LPA: variants seen among roughly 807,000 people sequenced by gnomAD.
The protein encoded by LPA is apolipoprotein(a).
A neutral mutation model predicts 197.9 loss-of-function variants in LPA; 199 were observed. That is an observed-to-expected ratio of 1.01 (90% CI 0.90 to 1.13). The LOEUF (loss-of-function observed/expected upper bound fraction) is 1.13. Among genes scored for constraint, LPA ranks in the 50% most tolerant of loss-of-function variants. LPA has a pLI of 0.00. For synonymous variants in LPA, 715 were observed against 639.5 expected, an observed-to-expected ratio of 1.12 and a Z score of -1.78; for missense variants, 1,853 against 1,785.8, an observed-to-expected ratio of 1.04 and a Z score of -0.68.
intron 20 of LPA, among the ~76,000 whole-genome samples, chr6:160,597,603 G>T (rs751559679): frequency 2.6e-5 from 4 of 152,152 alleles, no homozygotes; most frequent in Non-Finnish European, 4.4e-5. Context: ...TTTCATTTAA[G>T]ATATACCTTT....
intron 23 of LPA, among the ~76,000 whole-genome samples, chr6:160,590,270 G>A (rs567865756): frequency 6.6e-6 from 1 of 152,256 alleles, no homozygotes; most frequent in South Asian, 2.1e-4. Context: ...GGGAAATCTT[G>A]GGCCCAGGAT....
intron 32 of LPA, among the ~76,000 whole-genome samples, chr6:160,546,687 G>C (rs1023926508): frequency 3.3e-5 from 5 of 152,154 alleles, no homozygotes; most frequent in African/African-American, 1.2e-4. Flanking sequence ...AGAGTGTCAG[G>C]ACCGAGTTAC....
intron 24 of LPA, 27 bp downstream of exon 24, chr6:160,589,526 C>T (rs1342263617): frequency 6.2e-7 from 1 of 1,611,998 alleles, no homozygotes; most frequent in Non-Finnish European, 8.5e-7. Context: ...GTGGCTGTTT[C>T]TCTTGGGAGA....
intron 28 of LPA, among the ~76,000 whole-genome samples, chr6:160,559,096 A>G (rs1247808789): frequency 6.6e-6 from 1 of 152,204 alleles, no homozygotes. Flanking sequence ...ATCAACACCT[A>G]TACCTGTGGA....
chr6:160,649,799 C>T (rs79653994), intron 2 of LPA, among the ~76,000 whole-genome samples: 3,017 of 152,278 alleles, frequency 0.02, 79 homozygotes, highest in Middle Eastern at 0.19. Flanking sequence ...TTCTTACTTT[C>T]ATCTGCCTTC....
chr6:160,541,886 A>T (rs529901329), intron 34 of LPA, among the ~76,000 whole-genome samples: 4 of 152,368 alleles, frequency 2.6e-5, no homozygotes, highest in African/African-American at 9.6e-5. Context: ...CAAACGATAA[A>T]GTAAAGAAAA....
At chr6:160,584,240 C>T (rs6919083) in intron 26 of LPA, among the ~76,000 whole-genome samples, 1,786 of 60,346 alleles carry the variant, frequency 0.03, 24 homozygotes, top group South Asian at 0.052. Context: ...CTTCTTCTTC[C>T]TCCTCCTCCT....
chr6:160,590,876 A>G, intron 23 of LPA, 68 bp downstream of exon 23: 1 of 1,598,424 alleles, frequency 6.3e-7, no homozygotes. Context: ...CTTCTGTATC[A>G]CTAAGATTTT....
At position 160,585,111 on chromosome 6, in the gene LPA, T is replaced by A; in HGVS notation, c.4224A>T (p.Thr1408=). The change falls in exon 26 of 39, where the codon ACA becomes ACT. Residue 1408 remains threonine, a synonymous_variant. Coordinates refer to ENST00000316300, the MANE Select transcript of LPA (RefSeq NM_005577.4). ...GTGTCATAGACGACCAAGACTGACA[T>A]GTTCTTCCTGTGATAGTGGTGGAGA... ...GTLSTTITGR[T]CQSWSSMTPH... is the part of the protein sequence containing the mutation. 1 of 1,613,856 alleles carries A rather than the reference T, an allele frequency of 6.2e-7. No individual in the cohort carries two copies. The highest frequency in any genetic ancestry group is 1.3e-5 in the African/African-American group (1 of 75,032).
chr6:160,598,903 G>T (rs781586790), intron 20 of LPA, among the ~76,000 whole-genome samples: 1 of 152,190 alleles, frequency 6.6e-6, no homozygotes, highest in Non-Finnish European at 1.5e-5. Context: ...AAGGTGAAAA[G>T]GTTGTATTAA....
At chr6:160,599,992 G>A (rs571825875) in intron 19 of LPA, among the ~76,000 whole-genome samples, 2 of 152,340 alleles carry the variant, frequency 1.3e-5, no homozygotes, top group Non-Finnish European at 2.9e-5. Flanking sequence ...GAACAGCATA[G>A]AAGAAAGGGT....
At chr6:160,564,701 T>A (rs905115085) in intron 28 of LPA, among the ~76,000 whole-genome samples, 5 of 152,168 alleles carry the variant, frequency 3.3e-5, no homozygotes, top group African/African-American at 9.7e-5. Context: ...GGCGGGATAT[T>A]GCCTCACCCG....
chr6:160,594,221 C>A, intron 21 of LPA, 104 bp from the exon 22 acceptor site: 1 of 1,417,806 alleles, frequency 7.1e-7, no homozygotes, highest in Non-Finnish European at 9.9e-7. Flanking sequence ...AGAAAGACTA[C>A]CATGCTCTGT....
chr6:160,556,006 A>C lies in LPA; in HGVS notation c.4973+19T>G. On this transcript the variant is annotated intron_variant, in intron 30 of 38. Coordinates refer to ENST00000316300, the MANE Select transcript of LPA (RefSeq NM_005577.4). ...TAAGTTGGCTGTTGCTCCTCTTACA[A>C]GTAACATCAAAGACATACTCATTTG... is the stretch of plus-strand genomic sequence containing the variant. 1 of 1,574,396 alleles carries C rather than the reference A, an allele frequency of 6.4e-7. No homozygotes were observed. The highest frequency in any genetic ancestry group is 8.7e-7 in the Non-Finnish European group (1 of 1,144,638).
At chr6:160,538,264 TGGAA>T (rs1283687978) in intron 36 of LPA, among the ~76,000 whole-genome samples, 2 of 152,186 alleles carry the variant, frequency 1.3e-5, no homozygotes, top group African/African-American at 4.8e-5. Flanking sequence ...TGTGCACGAT[TGGAA>T]TCTCATGCCA....
In LPA at chr6:160,600,966, G is replaced by A; in HGVS notation, c.3078C>T (p.Val1026=). Reference sequence around the variant, plus strand: ...TTGGAGCCAGAATAACATTCGGAGGGACGAAGGCAGTCCATTCTGCATCTG... The same window carrying A: ...TTGGAGCCAGAATAACATTCGGAGGAACGAAGGCAGTCCATTCTGCATCTG... ...RCSDAEWTAF[V]PPNVILAPSL... Residue 1026 remains valine (V), a synonymous_variant, in exon 19 of 39, where the codon GTC becomes GTT. Transcript: ENST00000316300. 1 of 1,613,696 alleles carries A rather than the reference G, an allele frequency of 6.2e-7. No homozygotes were observed.
intron 7 of LPA, among the ~76,000 whole-genome samples, chr6:160,634,696 G>T (rs544083404): frequency 6.6e-6 from 1 of 151,780 alleles, no homozygotes; most frequent in African/African-American, 2.4e-5. Flanking sequence ...TAGGTTTCTC[G>T]AGGATGACAG....
intron 31 of LPA, 78 bp downstream of exon 31, chr6:160,548,399 GT>G: frequency 1.4e-6 from 2 of 1,475,182 alleles, no homozygotes. Flanking sequence ...CATCAGTGTG[GT>G]TTTTCATGTC....
At chr6:160,634,048 G>C in intron 7 of LPA, 136 bp from the exon 8 acceptor site, 1 of 1,254,686 alleles carries the variant, frequency 8.0e-7, no homozygotes, top group Non-Finnish European at 1.1e-6. Flanking sequence ...GCAGATGGAT[G>C]GGAGAAAACC....
Sources: allele counts gnomAD v4.1 joint callset (sites outside exome capture counted in the v4.1 genomes callset), GRCh38; gene constraint gnomAD v4.1.1; transcripts MANE v1.5; gene names NCBI Gene and HGNC (gene_info 2026-07-23, HGNC 2026-07-21).